TAF3: variants seen among roughly 807,000 people sequenced by gnomAD.
TAF3 encodes TATA-box binding protein associated factor 3.
A neutral mutation model predicts 80.6 loss-of-function variants in TAF3; 7 were observed. The ratio of observed to expected loss-of-function variants is 0.09; its 90% CI spans 0.05 to 0.16. The LOEUF is 0.16. Among genes scored for constraint, TAF3 ranks in the 10% least tolerant of loss-of-function variants. The pLI is 1.00. For synonymous variants in TAF3, 444 were observed against 446.1 expected (o/e 1.00, Z 0.06); for missense variants, 921 against 1,140.2 (o/e 0.81, Z 2.77).
chr10:7,941,061 G>T (rs533828420), intron 2 of TAF3, among the ~76,000 whole-genome samples: 1 of 152,262 alleles, frequency 6.6e-6, no homozygotes, highest in South Asian at 2.1e-4. Flanking sequence ...CTGGAAGGAA[G>T]AAAAGTCAAG....
Position 7,912,911 on chromosome 10 carries a change from G to T in TAF3, c.410-51009G>T, listed in dbSNP as rs531525800. Among the ~76,000 whole-genome samples, 19 of 152,120 alleles carry T rather than the reference G, an allele frequency of 1.2e-4. 1 individual carries two copies. Among genetic ancestry groups the T allele is most frequent in the Admixed American group, 4.6e-4 (7 of 15,268 alleles). The stretch of plus-strand genomic sequence containing the variant: ...TAGGTTTTTTGTCGGTGTCTGCTCG[G>T]GCTGCCATCACAAAATGCCACAGAC... On this transcript the variant is annotated intron_variant, in intron 2 of 6. Coordinates refer to ENST00000344293, the MANE Select transcript of TAF3 (RefSeq NM_031923.4).
chr10:7,969,526 G>C (rs1831602949), intron 3 of TAF3, among the ~76,000 whole-genome samples: 1 of 152,108 alleles, frequency 6.6e-6, no homozygotes, highest in African/African-American at 2.4e-5. Context: ...GAGTATACAG[G>C]ATTACTTTAA....
chr10:7,910,300 A>G (rs1837645500), intron 2 of TAF3, among the ~76,000 whole-genome samples: 1 of 152,220 alleles, frequency 6.6e-6, no homozygotes, highest in Non-Finnish European at 1.5e-5. Flanking sequence ...GACGTACTGC[A>G]AATAGAAAAT....
chr10:8,009,910 G>A lies in TAF3; in HGVS notation c.2568+580G>A, dbSNP rs541365605. On this transcript the variant is annotated intron_variant, in intron 5 of 6. Transcript: ENST00000344293. The surrounding 1 kb of genome is among the most constrained non-coding windows in gnomAD (Gnocchi z 4.1). ...TGTGGGATTACAGGCATGAGCCACC[G>A]TGCCCGGCTTTTTTTTTTTGAAAGG... 2.6e-5 allele frequency among the ~76,000 whole-genome samples: 4 copies of A among 151,314 alleles called. No individual in the cohort carries two copies. The highest frequency in any genetic ancestry group is 7.3e-5 in the African/African-American group (3 of 41,076).
chr10:7,980,460 T>G (rs1170263910), intron 4 of TAF3, among the ~76,000 whole-genome samples: 1 of 152,208 alleles, frequency 6.6e-6, no homozygotes, highest in East Asian at 1.9e-4. Context: ...GAAACTGTAT[T>G]CTAAAGGAGT....
chr10:7,944,200 T>C (rs541289708), intron 2 of TAF3, among the ~76,000 whole-genome samples: 26 of 152,006 alleles, frequency 1.7e-4, no homozygotes, highest in African/African-American at 6.0e-4. Context: ...TCAATTTTAT[T>C]TTCTGTCTAC....
At chr10:7,947,617 C>T (rs748261379) in intron 2 of TAF3, among the ~76,000 whole-genome samples, 4 of 152,176 alleles carry the variant, frequency 2.6e-5, no homozygotes, top group African/African-American at 4.8e-5. Context: ...GGAGGAACAG[C>T]ACTGGGGCTG....
intron 2 of TAF3, among the ~76,000 whole-genome samples, chr10:7,915,230 C>T (rs1487308348): frequency 6.6e-6 from 1 of 151,496 alleles, no homozygotes; most frequent in African/African-American, 2.4e-5. Context: ...AGGGCATGAG[C>T]CACTGCGCCT....
chr10:7,881,030 A>G (rs1837356226), intron 2 of TAF3, among the ~76,000 whole-genome samples: 1 of 152,066 alleles, frequency 6.6e-6, no homozygotes, highest in South Asian at 2.1e-4. Flanking sequence ...GAGCTCAGGA[A>G]TTGGAGACCA....
Position 7,881,587 on chromosome 10 carries a change from A to T in TAF3, c.409+57027A>T, listed in dbSNP as rs559223729. ...TAAGTTTTTTATATCAAATAGGTAT[A>T]TGTTTTACAAATAAAAAGAGCAAGA... On this transcript the variant is annotated intron_variant, in intron 2 of 6. Transcript: ENST00000344293. 3.8e-3 allele frequency among the ~76,000 whole-genome samples: 577 copies of T among 152,300 alleles called. 1 individual carries two copies. Among genetic ancestry groups the T allele is most frequent in the African/African-American group, 0.013 (537 of 41,548 alleles).
At chr10:7,984,199 C>G (rs527797829) in intron 4 of TAF3, among the ~76,000 whole-genome samples, 10 of 152,126 alleles carry the variant, frequency 6.6e-5, no homozygotes, top group African/African-American at 1.7e-4. Flanking sequence ...TTTTTACCAC[C>G]TAGAACAATG....
intron 2 of TAF3, among the ~76,000 whole-genome samples, chr10:7,874,699 T>A (rs1413404814): frequency 1.0e-5 from 1 of 97,330 alleles, no homozygotes; most frequent in East Asian, 3.4e-4. Context: ...TTGTCTTAGT[T>A]TTTTTTTTCA....
intron 4 of TAF3, among the ~76,000 whole-genome samples, chr10:7,981,821 G>A (rs1045996376): frequency 1.3e-5 from 2 of 152,104 alleles, no homozygotes; most frequent in South Asian, 4.2e-4. Context: ...AGCCTTGTGG[G>A]GGCTTTTTAA....
chr10:7,983,277 G>A (rs1831744170), intron 4 of TAF3, among the ~76,000 whole-genome samples: 1 of 152,232 alleles, frequency 6.6e-6, no homozygotes, highest in South Asian at 2.1e-4. Context: ...TGTCAGAAGG[G>A]GAAGTGGTAG....
chr10:7,855,078 C>G (rs1171214170), intron 2 of TAF3, among the ~76,000 whole-genome samples: 1 of 152,048 alleles, frequency 6.6e-6, no homozygotes, highest in African/African-American at 2.4e-5. Flanking sequence ...CAAGAGTAAC[C>G]CATTTTTTGA....
intron 3 of TAF3, among the ~76,000 whole-genome samples, chr10:7,967,350 G>C (rs550863479): frequency 2.6e-5 from 4 of 152,216 alleles, no homozygotes; most frequent in Admixed American, 2.6e-4. Flanking sequence ...CAGCCATTAT[G>C]AATTTGAGTG....
intron 2 of TAF3, among the ~76,000 whole-genome samples, chr10:7,834,590 T>A (rs1229350913): frequency 6.6e-6 from 1 of 152,176 alleles, no homozygotes; most frequent in East Asian, 1.9e-4. Flanking sequence ...ATAGGGTTCC[T>A]CCTGAGTTCA....
At chr10:7,867,101 A>G (rs1208034881) in intron 2 of TAF3, among the ~76,000 whole-genome samples, 2 of 152,116 alleles carry the variant, frequency 1.3e-5, no homozygotes. Context: ...TGCACTAAAA[A>G]TACAAAAATT....
In TAF3 at chr10:8,009,968, G is replaced by A. The variant is rs1185238800; in HGVS notation, c.2568+638G>A. On this transcript the variant is annotated intron_variant, in intron 5 of 6. Coordinates refer to ENST00000344293, the MANE Select transcript of TAF3 (RefSeq NM_031923.4). The surrounding 1 kb of genome is among the most constrained non-coding windows in gnomAD (Gnocchi z 4.1). Reference sequence around the variant, plus strand: ...ACTCTGTCACCGAGGCTGGAGTGCAGTGGTACGATCTCGGCTCACTGCAGC... The same window carrying A: ...ACTCTGTCACCGAGGCTGGAGTGCAATGGTACGATCTCGGCTCACTGCAGC... Among the ~76,000 whole-genome samples the A allele has an allele frequency of 6.6e-6, 1 of 151,896 alleles. No individual in the cohort carries two copies. The highest frequency in any genetic ancestry group is 6.6e-5 in the Admixed American group (1 of 15,260).
Sources: gnomAD v4.1 joint callset for allele counts (sites outside exome capture counted in the v4.1 genomes callset) on GRCh38, gnomAD v4.1.1 for gene constraint, Gnocchi (gnomAD v3.1) non-coding constraint, MANE v1.5 for transcripts, NCBI Gene and HGNC (gene_info 2026-07-23, HGNC 2026-07-21) for gene names.